Variants in SPTA1 observed in about 807,000 individuals in gnomAD.
The protein encoded by SPTA1 is spectrin alpha, erythrocytic 1, also known as spectrin alpha chain, erythrocytic 1.
SPTA1 carries 177 observed loss-of-function variants against 324.7 expected under a neutral mutation model. The ratio of observed to expected loss-of-function variants is 0.55; its 90% CI spans 0.48 to 0.62. SPTA1 has a LOEUF of 0.62. Among genes scored for constraint, SPTA1 ranks in the 20% least tolerant of loss-of-function variants. SPTA1 has a pLI of 0.00. For synonymous variants in SPTA1, 1,195 were observed against 1,041.3 expected (o/e 1.15, Z -2.84); for missense variants, 3,162 against 2,883.6 (o/e 1.10, Z -2.21).
intron 42 of SPTA1, 45 bp downstream of exon 42, chr1:158,626,101 T>C: frequency 2.6e-6 from 4 of 1,534,002 alleles, no homozygotes; most frequent in Non-Finnish European, 3.6e-6. Flanking sequence ...GATGAGCTTC[T>C]GTGTGAATCA....
Position 158,657,658 on chromosome 1 carries a change from T to G in SPTA1, c.2624A>C (p.Lys875Thr). 6.2e-7 allele frequency: 1 copy of G among 1,614,142 alleles called. No individual in the cohort carries two copies. The highest frequency in any genetic ancestry group is 2.2e-5 in the East Asian group (1 of 44,884). Residue 875 changes from lysine to threonine, a missense_variant, in exon 19 of 52, where the codon AAG becomes ACG. Physicochemically the swap from Lys to Thr is moderately conservative, Grantham distance 78 (BLOSUM62 -1). Coordinates refer to ENST00000643759, the MANE Select transcript of SPTA1 (RefSeq NM_003126.4). ...AGACTCCATATTCTGGTTCAAACTC[T>G]TGACCCTAGAGGCCACATCTTCTGC... Reference protein sequence around the residue: ...FAAEDVASRVKSLNQNMESLR... With the variant: ...FAAEDVASRVTSLNQNMESLR...
chr1:158,675,278 A>G (rs12079439), intron 8 of SPTA1, among the ~76,000 whole-genome samples: 3,145 of 152,290 alleles, frequency 0.021, 113 homozygotes, highest in African/African-American at 0.072. Flanking sequence ...CTTGTAATCC[A>G]CATTCAGGAA....
chr1:158,653,457 T>G (rs778328126), intron 21 of SPTA1, 32 bp from the exon 22 acceptor site: 7 of 1,613,174 alleles, frequency 4.3e-6, no homozygotes, highest in Non-Finnish European at 4.2e-6. Context: ...ACTCCGTCAT[T>G]AATTCTTGGA....
intron 1 of SPTA1, among the ~76,000 whole-genome samples, 155 bp from the exon 2 acceptor site, chr1:158,685,502 G>T (rs1007675539): frequency 2.0e-5 from 3 of 152,056 alleles, no homozygotes; most frequent in African/African-American, 2.4e-5. Flanking sequence ...GTATATTTAC[G>T]TAATTTTTAA....
At chr1:158,681,442 G>A (rs1030083413) in intron 4 of SPTA1, 85 bp downstream of exon 4, 27 of 1,600,420 alleles carry the variant, frequency 1.7e-5, no homozygotes, top group Non-Finnish European at 1.6e-5. Flanking sequence ...TGACTTCCTT[G>A]TGAGTAGTCT....
rs201479322 is a variant in SPTA1 at position 158,662,762 on chromosome 1, T to C, written c.2404A>G (p.Thr802Ala). Residue 802 changes from threonine to alanine, a missense_variant, in exon 17 of 52, where the codon ACA becomes GCA. Transcript: ENST00000643759. ...TGGATCCAGGCCTCCTCATCCTCTGTGTCTCTACAAATCAGCTGCAGATGG... is the reference window on the plus strand; with the variant it reads ...TGGATCCAGGCCTCCTCATCCTCTGCGTCTCTACAAATCAGCTGCAGATGG... ...LLHLQLICRDTEDEEAWIQET... is the reference protein window; with the variant it reads ...LLHLQLICRDAEDEEAWIQET... 5 of 1,614,058 alleles carry C rather than the reference T, an allele frequency of 3.1e-6. No individual in the cohort carries two copies. In the East Asian group the frequency reaches 1.1e-4, roughly 36 times the overall value.
intron 42 of SPTA1, among the ~76,000 whole-genome samples, chr1:158,624,828 G>A (rs181451039): frequency 2.1e-4 from 32 of 152,194 alleles, no homozygotes; most frequent in Non-Finnish European, 4.1e-4. Flanking sequence ...AGAATTTTCA[G>A]TAGTGACACA....
intron 47 of SPTA1, among the ~76,000 whole-genome samples, chr1:158,615,661 C>T (rs1275074822): frequency 2.0e-5 from 3 of 151,972 alleles, no homozygotes; most frequent in Non-Finnish European, 4.4e-5. Context: ...TACACACACA[C>T]ACATACATCT....
At chr1:158,613,221 C>T (rs1024004594) in intron 50 of SPTA1, among the ~76,000 whole-genome samples, 2 of 152,050 alleles carry the variant, frequency 1.3e-5, no homozygotes, top group African/African-American at 4.8e-5. Flanking sequence ...GTCATTCAGC[C>T]TGATTCTCGG....
intron 23 of SPTA1, 29 bp from the exon 24 acceptor site, chr1:158,651,497 G>T: frequency 6.8e-7 from 1 of 1,463,074 alleles, no homozygotes; most frequent in Non-Finnish European, 9.6e-7. Context: ...CCAAAGCAGT[G>T]TAAATTCATC....
chr1:158,662,444 C>T (rs114174547), intron 17 of SPTA1, among the ~76,000 whole-genome samples: 11 of 152,236 alleles, frequency 7.2e-5, no homozygotes, highest in East Asian at 1.9e-4. Context: ...TTTTAGAGCA[C>T]GCAACAAAAT....
At chr1:158,642,669 C>A (rs1342589752) in intron 32 of SPTA1, 127 bp from the exon 33 acceptor site, 13 of 1,566,910 alleles carry the variant, frequency 8.3e-6, no homozygotes, top group African/African-American at 1.4e-5. Flanking sequence ...TTCTGAAGAA[C>A]CTGCTCCACA....
intron 15 of SPTA1, among the ~76,000 whole-genome samples, chr1:158,667,618 TA>T (rs1040403366): frequency 6.6e-6 from 1 of 152,124 alleles, no homozygotes; most frequent in South Asian, 2.1e-4. Flanking sequence ...CTGCCACTGC[TA>T]AAAAATTTTT....
intron 39 of SPTA1, among the ~76,000 whole-genome samples, chr1:158,631,994 A>T (rs1478084000): frequency 6.6e-6 from 1 of 152,240 alleles, no homozygotes; most frequent in Non-Finnish European, 1.5e-5. Flanking sequence ...ATTAGCATCC[A>T]TATGTTCATT....
In SPTA1 at chr1:158,672,729, C is replaced by A. The variant is rs149635010; in HGVS notation, c.1351-533G>T. Among the ~76,000 whole-genome samples the A allele has an allele frequency of 3.2e-4, 48 of 152,154 alleles. No individual in the cohort carries two copies. In the East Asian group the frequency reaches 8.5e-3, roughly 27 times the overall value. On this transcript the variant is annotated intron_variant, in intron 10 of 51. Transcript: ENST00000643759. ...AGACATTCTCAAACACATGAAAAAGCCTTTGTTTCTGGTCAAGCATGTGCC... is the reference window on the plus strand; with the variant it reads ...AGACATTCTCAAACACATGAAAAAGACTTTGTTTCTGGTCAAGCATGTGCC...
intron 27 of SPTA1, among the ~76,000 whole-genome samples, chr1:158,645,816 T>C (rs1651959258): frequency 6.6e-6 from 1 of 152,260 alleles, no homozygotes; most frequent in African/African-American, 2.4e-5. Flanking sequence ...TCTTTTTCAA[T>C]TCTTGCAGTA....
chr1:158,665,150 C>T (rs1371131334), intron 16 of SPTA1, among the ~76,000 whole-genome samples: 1 of 152,130 alleles, frequency 6.6e-6, no homozygotes, highest in African/African-American at 2.4e-5. Context: ...TAAGCTCTTA[C>T]ATGTAACATT....
intron 40 of SPTA1, 50 bp downstream of exon 40, chr1:158,627,575 G>T: frequency 6.4e-7 from 1 of 1,555,984 alleles, no homozygotes; most frequent in Non-Finnish European, 8.9e-7. Flanking sequence ...ATTTGGGCCA[G>T]TCCCTTTTGG....
chr1:158,615,526 G>T, intron 47 of SPTA1, 123 bp from the exon 48 acceptor site: 3 of 971,644 alleles, frequency 3.1e-6, no homozygotes, highest in Non-Finnish European at 4.7e-6. Context: ...TCTGTGAAAA[G>T]ATGAACTACT....
Sources: allele counts gnomAD v4.1 joint callset (sites outside exome capture counted in the v4.1 genomes callset), GRCh38; gene constraint gnomAD v4.1.1; transcripts MANE v1.5; gene names NCBI Gene and HGNC (gene_info 2026-07-23, HGNC 2026-07-21).